The following PCDH15 variants were observed in gnomAD, a reference collection of about 807,000 sequenced individuals.
PCDH15 encodes protocadherin related 15.
PCDH15 carries 129 observed loss-of-function variants against 178.5 expected under a neutral mutation model. That is an observed-to-expected ratio of 0.72 (90% confidence interval 0.63 to 0.84). The LOEUF (loss-of-function observed/expected upper bound fraction) is 0.84. Ranked by LOEUF, PCDH15 falls within the 40% of genes least tolerant of loss-of-function variation. The probability of loss-of-function intolerance (pLI) is 0.00; values close to 1 mark genes in which losing one functional copy is unlikely to be tolerated. For missense variants in PCDH15, 2,230 were observed against 2,099.9 expected, an observed-to-expected ratio of 1.06 and a Z score of -1.21; for synonymous variants, 800 against 732.0, an observed-to-expected ratio of 1.09 and a Z score of -1.50.
chr10:54,240,532 T>TA (rs1260146871), intron 8 of PCDH15, among the ~76,000 whole-genome samples: 1 of 150,926 alleles, frequency 6.6e-6, no homozygotes, highest in Non-Finnish European at 1.5e-5. Flanking sequence ...ACCAATCTAA[T>TA]AAAGGGCTAA....
At chr10:54,404,888 G>GA (rs1394338155) in intron 3 of PCDH15, among the ~76,000 whole-genome samples, 4 of 151,878 alleles carry the variant, frequency 2.6e-5, no homozygotes, top group Admixed American at 6.6e-5. Flanking sequence ...CAAGCGTATG[G>GA]AAAAAAATCT....
chr10:54,718,684 C>CTTTTTTT lies in PCDH15; in HGVS notation c.-28-54401_-28-54395dup, dbSNP rs71461255. ...AACACTTCGAAAGATCACACTGATT[C>CTTTTTTT]TTTTTTTTTTTTTTTTTTTTCTTTT... On this transcript the variant is annotated intron_variant, in intron 1 of 37. Coordinates refer to ENST00000644397, the MANE Select transcript of PCDH15 (RefSeq NM_001384140.1). Among the ~76,000 whole-genome samples the CTTTTTTT allele has an allele frequency of 5.3e-4, 59 of 111,502 alleles. 1 individual carries two copies. The highest frequency in any genetic ancestry group is 7.0e-4 in the Non-Finnish European group (40 of 56,900). The allele number at this position is 111,502 out of a possible 152,430, so 73.1% of individuals were successfully genotyped here.
intron 2 of PCDH15, among the ~76,000 whole-genome samples, chr10:55,043,453 A>G (rs1406782023): frequency 6.6e-6 from 1 of 152,116 alleles, no homozygotes; most frequent in African/African-American, 2.4e-5. Context: ...TGACACCTGT[A>G]ATCTCAGAAC....
At chr10:54,321,107 AATGAC>A (rs1430750200) in intron 7 of PCDH15, among the ~76,000 whole-genome samples, 2 of 150,412 alleles carry the variant, frequency 1.3e-5, no homozygotes, top group Non-Finnish European at 3.0e-5. Flanking sequence ...AAGTTAATAA[AATGAC>A]ATATTTAATA....
At chr10:55,036,366 G>A (rs910091194) in intron 2 of PCDH15, among the ~76,000 whole-genome samples, 12 of 151,986 alleles carry the variant, frequency 7.9e-5, no homozygotes, top group African/African-American at 1.2e-4. Flanking sequence ...TGCACAAATC[G>A]CACTAAAGCC....
At chr10:53,842,718 C>G (rs569190700) in intron 28 of PCDH15, among the ~76,000 whole-genome samples, 1 of 152,268 alleles carries the variant, frequency 6.6e-6, no homozygotes, top group South Asian at 2.1e-4. Context: ...TTCCTTGTCT[C>G]AAATTCATTC....
chr10:54,800,680 A>G (rs1000049640), intron 1 of PCDH15, among the ~76,000 whole-genome samples: 2 of 152,206 alleles, frequency 1.3e-5, no homozygotes, highest in Non-Finnish European at 2.9e-5. Context: ...TAAAGATTAC[A>G]TTGTCATCTA....
At chr10:54,189,691 A>G (rs1251498173) in intron 11 of PCDH15, among the ~76,000 whole-genome samples, 2 of 152,078 alleles carry the variant, frequency 1.3e-5, no homozygotes, top group African/African-American at 4.8e-5. Flanking sequence ...AAGCCAAATG[A>G]GTAATCTTTA....
chr10:55,073,074 A>T (rs1358986686), intron 2 of PCDH15, among the ~76,000 whole-genome samples: 1 of 152,174 alleles, frequency 6.6e-6, no homozygotes, highest in Non-Finnish European at 1.5e-5. Flanking sequence ...ACTCTCAATA[A>T]ATTAGGTATT....
chr10:55,259,285 T>C (rs1359352341), intron 1 of PCDH15, among the ~76,000 whole-genome samples: 1 of 152,032 alleles, frequency 6.6e-6, no homozygotes, highest in Non-Finnish European at 1.5e-5. Flanking sequence ...ACTGAATGCA[T>C]AGGACAAGAA....
intron 26 of PCDH15, among the ~76,000 whole-genome samples, chr10:53,869,658 C>T (rs565226399): frequency 4.3e-4 from 66 of 152,018 alleles, no homozygotes; most frequent in Non-Finnish European, 1.8e-4. Context: ...AGAAACAAAA[C>T]AAGCCAGGCA....
At position 54,031,577 on chromosome 10, in the gene PCDH15, T is replaced by C. The variant is rs190306389; in HGVS notation, c.2221-8380A>G. Among the ~76,000 whole-genome samples the C allele has an allele frequency of 3.3e-5, 5 of 151,604 alleles. No homozygotes were observed. The East Asian group carries it at 9.8e-4, about 30-fold the overall frequency. On this transcript the variant is annotated intron_variant, in intron 18 of 37. Coordinates refer to ENST00000644397, the MANE Select transcript of PCDH15 (RefSeq NM_001384140.1). ...GGAAAAAAAAAAGATAGCAAGCAAATAAAAATAAACAATATTCCTGTAGTT... is the reference window on the plus strand; with the variant it reads ...GGAAAAAAAAAAGATAGCAAGCAAACAAAAATAAACAATATTCCTGTAGTT...
Position 54,442,417 on chromosome 10 carries a change from TATATATATATATATATATATA to T in PCDH15, c.158-63496_158-63476del, listed in dbSNP as rs2075860091. Among the ~76,000 whole-genome samples, 214 of 60,738 alleles carry T rather than the reference TATATATATATATATATATATA, an allele frequency of 3.5e-3. 19 individuals carry two copies. Among genetic ancestry groups the T allele is most frequent in the African/African-American group, 0.012 (204 of 16,368 alleles). The allele number at this position is 60,738 out of a possible 152,430, so 39.8% of individuals were successfully genotyped here. On this transcript the variant is annotated intron_variant, in intron 3 of 37. Coordinates refer to ENST00000644397, the MANE Select transcript of PCDH15 (RefSeq NM_001384140.1). ...AAAAAAAAAAAGGCCTTAAAGGCTA[TATATATATATATATATATATA>T]TATATATATATATATATATATACAG...
intron 2 of PCDH15, among the ~76,000 whole-genome samples, chr10:55,005,294 C>T (rs1373445062): frequency 6.6e-6 from 1 of 151,250 alleles, no homozygotes; most frequent in African/African-American, 2.4e-5. Flanking sequence ...ACTATGTGGC[C>T]ACCACCCTCC....
At chr10:55,174,326 A>G (rs1591964973) in intron 1 of PCDH15, among the ~76,000 whole-genome samples, 2 of 152,150 alleles carry the variant, frequency 1.3e-5, no homozygotes, top group African/African-American at 4.8e-5. Context: ...CCTGAAAACC[A>G]GGCTGCCAGT....
chr10:55,480,348 C>T (rs1840153304), intron 2 of PCDH15, among the ~76,000 whole-genome samples: 1 of 151,590 alleles, frequency 6.6e-6, no homozygotes, highest in South Asian at 2.1e-4. Context: ...TTGTGCTGGC[C>T]AGAACTTTCA....
chr10:55,591,096 G>A (rs1015949594), intron 2 of PCDH15, among the ~76,000 whole-genome samples: 3 of 151,828 alleles, frequency 2.0e-5, no homozygotes, highest in Admixed American at 6.6e-5. Flanking sequence ...CAAAAACACC[G>A]AGATAGTTTT....
intron 2 of PCDH15, among the ~76,000 whole-genome samples, chr10:55,563,421 T>A (rs1269235164): frequency 6.6e-6 from 1 of 151,794 alleles, no homozygotes. Context: ...ATAAAAGTCT[T>A]TAAGTTTACA....
At chr10:53,832,431 T>C (rs2077067001) in intron 29 of PCDH15, among the ~76,000 whole-genome samples, 1 of 151,920 alleles carries the variant, frequency 6.6e-6, no homozygotes, top group South Asian at 2.1e-4. Flanking sequence ...ACTGTGTTCT[T>C]AATACAACAA....
Sources: allele counts gnomAD v4.1 joint callset (sites outside exome capture counted in the v4.1 genomes callset), GRCh38; gene constraint gnomAD v4.1.1; transcripts MANE v1.5; gene names NCBI Gene and HGNC (gene_info 2026-07-23, HGNC 2026-07-21).